Variants in CRYL1 observed in about 807,000 individuals in gnomAD.
CRYL1 encodes lambda-crystallin homolog.
A neutral mutation model predicts 36.6 loss-of-function variants in CRYL1; 29 were observed. The ratio of observed to expected loss-of-function variants is 0.79; its 90% CI spans 0.59 to 1.08. The LOEUF (loss-of-function observed/expected upper bound fraction) is 1.08. CRYL1 is among the 50% of genes least tolerant of loss of function. The pLI, the probability that CRYL1 is intolerant of heterozygous loss-of-function variation, is 0.00. For synonymous variants in CRYL1, 152 were observed against 151.5 expected (o/e 1.00, Z -0.02); for missense variants, 411 against 407.9 (o/e 1.01, Z -0.06).
intron 3 of CRYL1, among the ~76,000 whole-genome samples, chr13:20,458,607 CTAT>C (rs1346635546): frequency 6.6e-6 from 1 of 152,176 alleles, no homozygotes; most frequent in Non-Finnish European, 1.5e-5. Context: ...CTATTAAAAA[CTAT>C]TGAGATATTT....
At chr13:20,507,366 C>T (rs2033811583) in intron 2 of CRYL1, among the ~76,000 whole-genome samples, 1 of 152,186 alleles carries the variant, frequency 6.6e-6, no homozygotes, top group African/African-American at 2.4e-5. Context: ...TTTTACTTTA[C>T]AACGAACGGC....
chr13:20,522,292 G>C (rs1316228169), intron 1 of CRYL1, among the ~76,000 whole-genome samples: 1 of 152,010 alleles, frequency 6.6e-6, no homozygotes, highest in Non-Finnish European at 1.5e-5. Context: ...AGAGGTTGCA[G>C]TGAGCTGAGA....
chr13:20,474,440 C>T lies in CRYL1; in HGVS notation c.276+14930G>A, dbSNP rs766392009. On this transcript the variant is annotated intron_variant, in intron 3 of 7. Coordinates refer to ENST00000298248, the MANE Select transcript of CRYL1 (RefSeq NM_015974.3). ...CACAAGCAACAAACCGGTAAAGCAA[C>T]ACACACTTGAAAAATTTTGTGTCGC... is the stretch of plus-strand genomic sequence containing the variant. 2.6e-3 allele frequency among the ~76,000 whole-genome samples: 396 copies of T among 152,298 alleles called. 2 individuals are homozygous for T. The highest frequency in any genetic ancestry group is 3.4e-3 in the Non-Finnish European group (230 of 68,014).
intron 3 of CRYL1, among the ~76,000 whole-genome samples, chr13:20,486,853 G>C (rs1318416992): frequency 3.9e-5 from 6 of 152,032 alleles, no homozygotes; most frequent in Admixed American, 3.9e-4. Context: ...GTTATAAATG[G>C]CCACATTATA....
intron 3 of CRYL1, among the ~76,000 whole-genome samples, chr13:20,440,758 T>G (rs1242323749): frequency 6.6e-6 from 1 of 152,150 alleles, no homozygotes; most frequent in Non-Finnish European, 1.5e-5. Flanking sequence ...TAATTGGAGG[T>G]CCTTTTGAAA....
At chr13:20,508,440 TA>T (rs1760914696) in intron 2 of CRYL1, among the ~76,000 whole-genome samples, 1 of 152,198 alleles carries the variant, frequency 6.6e-6, no homozygotes, top group Non-Finnish European at 1.5e-5. Flanking sequence ...TCTTTACAAT[TA>T]TAAAATTAAC....
chr13:20,464,003 G>A (rs1408419070), intron 3 of CRYL1, among the ~76,000 whole-genome samples: 1 of 152,060 alleles, frequency 6.6e-6, no homozygotes, highest in African/African-American at 2.4e-5. Context: ...TGGGGGCTGT[G>A]TCAATTGTGC....
intron 3 of CRYL1, among the ~76,000 whole-genome samples, chr13:20,449,008 A>G (rs2032512486): frequency 6.6e-6 from 1 of 152,184 alleles, no homozygotes. Context: ...TCTCTATGAA[A>G]AATACAAAAC....
intron 2 of CRYL1, among the ~76,000 whole-genome samples, chr13:20,504,450 C>A (rs140225660): frequency 6.6e-6 from 1 of 151,760 alleles, no homozygotes; most frequent in Non-Finnish European, 1.5e-5. Context: ...ATTACAGGCA[C>A]CCACCATCAC....
intron 3 of CRYL1, among the ~76,000 whole-genome samples, chr13:20,464,104 T>C (rs1469514612): frequency 2.0e-5 from 3 of 152,226 alleles, no homozygotes; most frequent in Admixed American, 6.5e-5. Flanking sequence ...AAAAAGCATA[T>C]GACTGAGTAA....
chr13:20,505,061 A>C (rs1440518664), intron 2 of CRYL1, among the ~76,000 whole-genome samples: 4 of 152,188 alleles, frequency 2.6e-5, no homozygotes, highest in African/African-American at 9.7e-5. Flanking sequence ...ACGTTAAAAA[A>C]GAATCAGAAT....
In CRYL1 at chr13:20,525,757, C is replaced by A. The variant is rs1422634147; in HGVS notation, c.38G>T (p.Gly13Val). The change falls in exon 1 of 8, where the codon GGC becomes GTC. Residue 13 changes from glycine (G) to valine (V), a missense_variant. By Grantham distance (109) the Gly-to-Val change is moderately radical (BLOSUM62 -3). Transcript: ENST00000298248. This position sits in a 1 kb window ranked among gnomAD's most constrained non-coding sequence, Gnocchi z 4.3. ...SSAAGCVVIV[G>V]SGVIGRSWAM... The stretch of plus-strand genomic sequence containing the variant: ...AGCGCGGCTCGGAGCCCTTTACCTG[C>A]CAACGATCACCACGCAGCCGGCCGC... 6.8e-6 allele frequency: 9 copies of A among 1,324,598 alleles called. No individual in the cohort carries two copies. The highest frequency in any genetic ancestry group is 7.7e-6 in the Non-Finnish European group (8 of 1,035,086). The allele number at this position is 1,324,598 out of a possible 1,614,324, so 82.1% of individuals were successfully genotyped here. A position where few individuals can be genotyped will look rare whatever the true frequency, so the allele number is the denominator to read the frequency against.
At chr13:20,426,555 G>GCGGCCC in intron 5 of CRYL1, 3 of 297,890 alleles carry the variant, frequency 1.0e-5, no homozygotes, top group Non-Finnish European at 1.5e-5. Context: ...TATCTATTGT[G>GCGGCCC]AGCTTGCGGT....
intron 4 of CRYL1, among the ~76,000 whole-genome samples, chr13:20,433,609 C>T (rs553323877): frequency 7.2e-5 from 11 of 152,214 alleles, no homozygotes; most frequent in Non-Finnish European, 1.3e-4. Flanking sequence ...GGTTAAACAC[C>T]TGTCACCTAC....
chr13:20,478,649 G>T (rs1362092660), intron 3 of CRYL1, among the ~76,000 whole-genome samples: 2 of 151,742 alleles, frequency 1.3e-5, no homozygotes, highest in Admixed American at 6.6e-5. Context: ...CTAATTTTTT[G>T]TATTTTTGGT....
chr13:20,458,745 G>A (rs991508625), intron 3 of CRYL1, among the ~76,000 whole-genome samples: 4 of 152,150 alleles, frequency 2.6e-5, no homozygotes, highest in African/African-American at 7.2e-5. Flanking sequence ...AAATAGTGCC[G>A]TTCTGGACCC....
At chr13:20,457,836 T>C (rs2032722711) in intron 3 of CRYL1, among the ~76,000 whole-genome samples, 1 of 152,136 alleles carries the variant, frequency 6.6e-6, no homozygotes, top group South Asian at 2.1e-4. Context: ...CACAAGATGA[T>C]TGTGGCCACG....
chr13:20,428,435 C>CA (rs761918974), intron 5 of CRYL1, among the ~76,000 whole-genome samples: 17 of 151,958 alleles, frequency 1.1e-4, no homozygotes, highest in Non-Finnish European at 2.4e-4. Flanking sequence ...AAAGATAATA[C>CA]AAAAAAAGAA....
Position 20,425,544 on chromosome 13 carries a change from C to A in CRYL1, c.633+6558G>T, listed in dbSNP as rs997917854. Among the ~76,000 whole-genome samples, 1 of 152,140 alleles carries A rather than the reference C, an allele frequency of 6.6e-6. No individual in the cohort carries two copies. Among genetic ancestry groups the A allele is most frequent in the Non-Finnish European group, 1.5e-5 (1 of 68,032 alleles). ...GAAAATGAAATATGTGAGATGGCAC[C>A]TTCCTGGGTATTCATGCAGAGGTGG... On this transcript the variant is annotated intron_variant, in intron 5 of 7. Transcript: ENST00000298248. This position sits in a 1 kb window ranked among gnomAD's most constrained non-coding sequence, Gnocchi z 4.4.
Sources: allele counts gnomAD v4.1 joint callset (sites outside exome capture counted in the v4.1 genomes callset), GRCh38; gene constraint gnomAD v4.1.1; non-coding constraint Gnocchi (gnomAD v3.1); transcripts MANE v1.5; gene names NCBI Gene and HGNC (gene_info 2026-07-23, HGNC 2026-07-21).